The following LSG1 variants were observed in gnomAD, a reference collection of about 807,000 sequenced individuals.
LSG1 encodes the protein large 60S subunit nuclear export GTPase 1.
A neutral mutation model predicts 82.6 loss-of-function variants in LSG1; 55 were observed. That is an observed-to-expected ratio of 0.67 (90% CI 0.54 to 0.83). The LOEUF is 0.83. Among genes scored for constraint, LSG1 ranks in the 40% least tolerant of loss-of-function variants. The pLI, the probability that LSG1 is intolerant of heterozygous loss-of-function variation, is 0.00. For synonymous variants in LSG1, 272 were observed against 282.5 expected (o/e 0.96, Z 0.37); for missense variants, 809 against 807.9 (o/e 1.00, Z -0.02).
chr3:194,666,526 T>C lies in LSG1; in HGVS notation c.273A>G (p.Leu91=). ...KFVPAEARTG[L]LSFEESQRIK... The stretch of plus-strand genomic sequence containing the variant: ...TTCTCTGGCTCTCCTCGAAAGACAG[T>C]AGTCCAGTTCTAGCCTCAGCAGGCA... The change falls in exon 3 of 14, where the codon CTA becomes CTG. Residue 91 remains leucine, a synonymous_variant. Transcript: ENST00000265245. 6.2e-7 allele frequency: 1 copy of C among 1,613,478 alleles called. No homozygotes were observed. The highest frequency in any genetic ancestry group is 8.5e-7 in the Non-Finnish European group (1 of 1,179,426).
At position 194,642,046 on chromosome 3, in the gene LSG1, A is replaced by C; in HGVS notation, c.*22T>G. 1 of 1,609,728 alleles carries C rather than the reference A, an allele frequency of 6.2e-7. No individual in the cohort carries two copies. The highest frequency in any genetic ancestry group is 8.5e-7 in the Non-Finnish European group (1 of 1,178,556). On this transcript the variant is annotated 3_prime_UTR_variant, in exon 14 of 14. Coordinates refer to ENST00000265245, the MANE Select transcript of LSG1 (RefSeq NM_018385.3). ...CTTTTCCATCTGCACAATGCAGATG[A>C]CATTTCTGTTGCAGCCCAACCTCAC...
At position 194,665,597 on chromosome 3, in the gene LSG1, A is replaced by C. The variant is rs1379132919; in HGVS notation, c.481T>G (p.Leu161Val). 1.9e-6 allele frequency: 3 copies of C among 1,613,490 alleles called. No homozygotes were observed. The highest frequency in any genetic ancestry group is 2.5e-6 in the Non-Finnish European group (3 of 1,179,852). Reference protein sequence around the residue: ...KLILTPFERNLDFWRQLWRVI... With the variant: ...KLILTPFERNVDFWRQLWRVI... ...CTCCAGAGCTGGCGCCAAAAGTCCA[A>C]ATTTCGTTCAAATGGAGTCAATATC... is the stretch of plus-strand genomic sequence containing the variant. Residue 161 changes from leucine (L) to valine (V), a missense_variant, in exon 5 of 14, where the codon TTG becomes GTG. Physicochemically the swap from Leu to Val is conservative, Grantham distance 32 (BLOSUM62 1). Transcript: ENST00000265245.
rs978326464 is a variant in LSG1 at position 194,664,825 on chromosome 3, C to T, written c.521+732G>A. Reference sequence around the variant, plus strand: ...ATCTCAGCCACTTGGGAGGCTGAGGCGGGAGCACTGCTTGAACCCAGGAGG... The same window carrying T: ...ATCTCAGCCACTTGGGAGGCTGAGGTGGGAGCACTGCTTGAACCCAGGAGG... On this transcript the variant is annotated intron_variant, in intron 5 of 13. Coordinates refer to ENST00000265245, the MANE Select transcript of LSG1 (RefSeq NM_018385.3). Among the ~76,000 whole-genome samples, 9 of 152,148 alleles carry T rather than the reference C, an allele frequency of 5.9e-5. 1 individual carries two copies. Among genetic ancestry groups the T allele is most frequent in the Admixed American group, 5.9e-4 (9 of 15,290 alleles).
In LSG1 at chr3:194,648,769, A is replaced by G; in HGVS notation, c.1455T>C (p.Ala485=). ...GCGTTATGATGTTAATGCCATAGGT[A>G]GCTTCTAAAACATGTCTTGGAATAT... The part of the protein sequence containing the change: ...CQNIPRHVLE[A]TYGINIITPR... Residue 485 remains alanine, a synonymous_variant, in exon 11 of 14, where the codon GCT becomes GCC. Transcript: ENST00000265245. 6.2e-7 allele frequency: 1 copy of G among 1,614,066 alleles called. No individual in the cohort carries two copies. The highest frequency in any genetic ancestry group is 1.1e-5 in the South Asian group (1 of 91,064).
chr3:194,671,760 C>G, intron 1 of LSG1: 1 of 427,374 alleles, frequency 2.3e-6, no homozygotes, highest in Non-Finnish European at 4.2e-6. Flanking sequence ...TCTGGAAGTT[C>G]CAAGCACTTC....
intron 4 of LSG1, among the ~76,000 whole-genome samples, chr3:194,665,974 G>C (rs1719021190): frequency 6.6e-6 from 1 of 152,228 alleles, no homozygotes; most frequent in African/African-American, 2.4e-5. Context: ...GGGAATGAAA[G>C]GAAAAGGCCC....
intron 7 of LSG1, among the ~76,000 whole-genome samples, chr3:194,653,968 C>T (rs1204894160): frequency 2.0e-5 from 3 of 152,200 alleles, no homozygotes; most frequent in African/African-American, 4.8e-5. Context: ...CTTGACAGTA[C>T]GTTATTTTGC....
intron 13 of LSG1, among the ~76,000 whole-genome samples, chr3:194,643,605 T>C (rs776383777): frequency 2.6e-5 from 4 of 152,128 alleles, no homozygotes; most frequent in Non-Finnish European, 4.4e-5. Context: ...CTGGGAGTAA[T>C]GTAAAACAGC....
chr3:194,650,918 A>G lies in LSG1; in HGVS notation c.1382T>C (p.Ile461Thr), dbSNP rs1179350608. 1 of 1,614,096 alleles carries G rather than the reference A, an allele frequency of 6.2e-7. No homozygotes were observed. Among genetic ancestry groups the G allele is most frequent in the African/African-American group, 1.3e-5 (1 of 74,940 alleles). Residue 461 changes from isoleucine (I) to threonine (T), a missense_variant, in exon 10 of 14, where the codon ATT (isoleucine) becomes ACT (threonine). Transcript: ENST00000265245. ...AEMTCSGILP[I>T]DQMRDHVPPV... ...AGGAACATGATCTCTCATCTGATCA[A>G]TTGGGAGGATTCCGCTGCAAGTCAT...
intron 8 of LSG1, among the ~76,000 whole-genome samples, chr3:194,652,502 T>C (rs1354983054): frequency 6.6e-6 from 1 of 152,160 alleles, no homozygotes; most frequent in African/African-American, 2.4e-5. Flanking sequence ...GGAGAATACA[T>C]TCAATGTGAA....
rs1407513020 is a variant in LSG1 at position 194,641,303 on chromosome 3, A to C, written c.*765T>G. Reference sequence around the variant, plus strand: ...AGGACATTTTTATCACTGCAAAAGAAAGACCTCAATCTTCCCATTCCTCCC... The same window carrying C: ...AGGACATTTTTATCACTGCAAAAGACAGACCTCAATCTTCCCATTCCTCCC... On this transcript the variant is annotated 3_prime_UTR_variant, in exon 14 of 14. Transcript: ENST00000265245. 1 of 152,248 alleles carries C rather than the reference A, an allele frequency of 6.6e-6. No homozygotes were observed. The highest frequency in any genetic ancestry group is 2.4e-5 in the African/African-American group (1 of 41,460). The allele number at this position is 152,248 out of a possible 1,614,324, so 9.4% of individuals were successfully genotyped here. A position where few individuals can be genotyped will look rare whatever the true frequency, so the allele number is the denominator to read the frequency against.
In LSG1 at chr3:194,640,828, G is replaced by A. The variant is rs1718357153; in HGVS notation, c.*1240C>T. 2.0e-5 allele frequency: 3 copies of A among 152,198 alleles called. No individual in the cohort carries two copies. Among genetic ancestry groups the A allele is most frequent in the Non-Finnish European group, 2.9e-5 (2 of 68,068 alleles). The allele number at this position is 152,198 out of a possible 1,614,324, so 9.4% of individuals were successfully genotyped here. The stretch of plus-strand genomic sequence containing the variant: ...AGAGGTTTAATTGGCTCACGGTCCT[G>A]TAGATGGTACAGGAAGCACAGCAGC... On this transcript the variant is annotated 3_prime_UTR_variant, in exon 14 of 14. Transcript: ENST00000265245.
Position 194,646,338 on chromosome 3 carries a change from A to C in LSG1, c.1544-95T>G. ...GTAGCTTCTATTACTAAGCATTCTT[A>C]CTCTTGGATTTTAAAAAATTAGGTA... On this transcript the variant is annotated intron_variant, in intron 11 of 13. Coordinates refer to ENST00000265245, the MANE Select transcript of LSG1 (RefSeq NM_018385.3). The C allele has an allele frequency of 5.6e-6, 5 of 888,400 alleles. No homozygotes were observed. The South Asian group carries it at 7.2e-5, about 13-fold the overall frequency. The allele number at this position is 888,400 out of a possible 1,614,324, so 55.0% of individuals were successfully genotyped here. A position where few individuals can be genotyped will look rare whatever the true frequency, so the allele number is the denominator to read the frequency against.
chr3:194,645,575 G>GACACACACACACACACACACACACAC (rs57272537), intron 12 of LSG1, among the ~76,000 whole-genome samples: 2 of 20,136 alleles, frequency 9.9e-5, no homozygotes, highest in East Asian at 2.3e-3. Flanking sequence ...CACACAGACA[G>GACACACACACACACACACACACACAC]ACACACACAC....
At chr3:194,664,684 G>A (rs968251973) in intron 5 of LSG1, among the ~76,000 whole-genome samples, 6 of 152,106 alleles carry the variant, frequency 3.9e-5, no homozygotes, top group African/African-American at 1.4e-4. Context: ...GGGAGGCTGA[G>A]GCGGGTGGAT....
chr3:194,646,666 G>A (rs1015902435), intron 11 of LSG1, among the ~76,000 whole-genome samples: 5 of 152,254 alleles, frequency 3.3e-5, no homozygotes, highest in Middle Eastern at 3.4e-3. Context: ...GATTACAGGC[G>A]CATGCCACCA....
Position 194,661,335 on chromosome 3 carries a change from G to C in LSG1, c.522-1202C>G, listed in dbSNP as rs111919601. Among the ~76,000 whole-genome samples the C allele has an allele frequency of 6.2e-3, 940 of 152,246 alleles. 10 individuals are homozygous for C. The highest frequency in any genetic ancestry group is 0.022 in the African/African-American group (898 of 41,540). ...AAATGATTACAAAAAAATGGACAAA[G>C]CCTAATCAACTAAAACTACAATGTC... On this transcript the variant is annotated intron_variant, in intron 5 of 13. Transcript: ENST00000265245.
intron 8 of LSG1, among the ~76,000 whole-genome samples, chr3:194,652,196 T>G (rs1419108945): frequency 2.0e-5 from 3 of 152,192 alleles, no homozygotes; most frequent in East Asian, 3.9e-4. Flanking sequence ...CCCTCGGGGT[T>G]TGCGCACTTC....
intron 1 of LSG1, 146 bp downstream of exon 1, chr3:194,671,918 C>A (rs1719145662): frequency 2.8e-6 from 2 of 723,274 alleles, no homozygotes; most frequent in African/African-American, 3.5e-5. Context: ...GGAGGGCCTG[C>A]TACTCAGCTT....
Sources: gnomAD v4.1 joint callset for allele counts (sites outside exome capture counted in the v4.1 genomes callset) on GRCh38, gnomAD v4.1.1 for gene constraint, MANE v1.5 for transcripts, NCBI Gene and HGNC (gene_info 2026-07-23, HGNC 2026-07-21) for gene names.